Variants in SPAG17 observed in about 807,000 individuals in gnomAD.
The protein encoded by SPAG17 is sperm associated antigen 17.
In SPAG17, 169 loss-of-function variants were observed where a neutral mutation model predicts 273.6. That is an observed-to-expected ratio of 0.62 (90% confidence interval 0.55 to 0.70). SPAG17 has a LOEUF of 0.70. Ranked by LOEUF, SPAG17 falls within the 30% of genes least tolerant of loss-of-function variation. The pLI is 0.00. For missense variants in SPAG17, 2,557 were observed against 2,627.8 expected, an observed-to-expected ratio of 0.97 and a Z score of 0.59; for synonymous variants, 825 against 873.2, an observed-to-expected ratio of 0.94 and a Z score of 0.97.
chr1:118,004,606 A>G (rs898736364), intron 32 of SPAG17, among the ~76,000 whole-genome samples: 1 of 152,236 alleles, frequency 6.6e-6, no homozygotes, highest in Non-Finnish European at 1.5e-5. Flanking sequence ...CTTGGGCGTG[A>G]GATCCACCAA....
At position 117,987,758 on chromosome 1, in the gene SPAG17, A is replaced by G. The variant is rs148069852; in HGVS notation, c.5669+76T>C. 7.9e-4 allele frequency: 1,158 copies of G among 1,461,170 alleles called. 6 individuals are homozygous for G. In the African/African-American group the frequency reaches 0.012, roughly 15 times the overall value. 90.5% of individuals were successfully genotyped at this position (1,461,170 alleles called of 1,614,324 possible). Reference sequence around the variant, plus strand: ...ATAACATCTGGGTGCCTGGCAGGACATTTTGGCCTATCCCATTCTCAGTCT... The same window carrying G: ...ATAACATCTGGGTGCCTGGCAGGACGTTTTGGCCTATCCCATTCTCAGTCT... On this transcript the variant is annotated intron_variant, in intron 40 of 48. Coordinates refer to ENST00000336338, the MANE Select transcript of SPAG17 (RefSeq NM_206996.4).
chr1:118,064,287 G>A lies in SPAG17; in HGVS notation c.2540+2458C>T, dbSNP rs544327282. 4.3e-3 allele frequency among the ~76,000 whole-genome samples: 647 copies of A among 151,890 alleles called. 4 individuals carry two copies. Among genetic ancestry groups the A allele is most frequent in the African/African-American group, 0.015 (609 of 41,384 alleles). ...TGCTGCCATAAAGACACATGCACACGTATGTTTATTGCGGCACTATTCACA... is the reference window on the plus strand; with the variant it reads ...TGCTGCCATAAAGACACATGCACACATATGTTTATTGCGGCACTATTCACA... On this transcript the variant is annotated intron_variant, in intron 18 of 48. Transcript: ENST00000336338.
chr1:118,086,088 A>C lies in SPAG17; in HGVS notation c.1612-16T>G. 1 of 1,612,978 alleles carries C rather than the reference A, an allele frequency of 6.2e-7. No homozygotes were observed. Among genetic ancestry groups the C allele is most frequent in the Non-Finnish European group, 8.5e-7 (1 of 1,179,630 alleles). ...TCTTTTGGTCCTGATGAAAAAGAGC[A>C]ACATGACAGAAGACATTAGAGTAAG... On this transcript the variant is annotated splice_polypyrimidine_tract_variant and intron_variant, in intron 12 of 48. Coordinates refer to ENST00000336338, the MANE Select transcript of SPAG17 (RefSeq NM_206996.4).
Position 117,954,053 on chromosome 1 carries a change from C to A in SPAG17, c.*1-4G>T. 6.2e-7 allele frequency: 1 copy of A among 1,610,690 alleles called. No individual in the cohort carries two copies. Among genetic ancestry groups the A allele is most frequent in the East Asian group, 2.2e-5 (1 of 44,714 alleles). The stretch of plus-strand genomic sequence containing the variant: ...ATTGAGTTGTACCGAGAAGAAACTG[C>A]AAAAATGAAGGAACACAAAGCCATT... On this transcript the variant is annotated splice_region_variant and splice_polypyrimidine_tract_variant and intron_variant, in intron 48 of 48. Coordinates refer to ENST00000336338, the MANE Select transcript of SPAG17 (RefSeq NM_206996.4).
rs534621861 is a variant in SPAG17 at position 118,068,606 on chromosome 1, T to C, written c.2386-1707A>G. Among the ~76,000 whole-genome samples, 4 of 152,308 alleles carry C rather than the reference T, an allele frequency of 2.6e-5. No individual in the cohort carries two copies. In the South Asian group the frequency reaches 8.3e-4, roughly 32 times the overall value. ...AAAGTTTTCATATCTTATTTTCCCCTTTTTTACTAATTGGTGCTTGTCTTT... is the reference window on the plus strand; with the variant it reads ...AAAGTTTTCATATCTTATTTTCCCCCTTTTTACTAATTGGTGCTTGTCTTT... On this transcript the variant is annotated intron_variant, in intron 17 of 48. Coordinates refer to ENST00000336338, the MANE Select transcript of SPAG17 (RefSeq NM_206996.4).
chr1:118,172,789 TTTC>T (rs1408606159), intron 1 of SPAG17, among the ~76,000 whole-genome samples: 2 of 152,204 alleles, frequency 1.3e-5, no homozygotes, highest in Admixed American at 1.3e-4. Flanking sequence ...GTGATTTTTT[TTTC>T]TTGTGTTGGC....
At chr1:118,119,533 T>C (rs1391241448) in intron 3 of SPAG17, among the ~76,000 whole-genome samples, 2 of 152,214 alleles carry the variant, frequency 1.3e-5, no homozygotes, top group African/African-American at 4.8e-5. Flanking sequence ...TGGAGGCCCA[T>C]GGTGTTTATT....
intron 24 of SPAG17, among the ~76,000 whole-genome samples, chr1:118,035,017 T>C (rs769881044): frequency 6.6e-6 from 1 of 152,174 alleles, no homozygotes; most frequent in Non-Finnish European, 1.5e-5. Flanking sequence ...AAATTATGTT[T>C]AGCTGTGCCT....
intron 48 of SPAG17, chr1:117,956,954 A>G: frequency 1.1e-6 from 1 of 879,856 alleles, no homozygotes; most frequent in Non-Finnish European, 1.6e-6. Context: ...TCTAGGCAAG[A>G]TGTATCCAAG....
intron 17 of SPAG17, among the ~76,000 whole-genome samples, chr1:118,069,358 A>AAAAAAAAAAAAAAAAAT (rs1653334988): frequency 6.6e-6 from 1 of 150,456 alleles, no homozygotes; most frequent in African/African-American, 2.4e-5. Context: ...AAAAAAAAAA[A>AAAAAAAAAAAAAAAAAT]GTGGTGGTAG....
chr1:118,097,526 TATC>T (rs1329644073), intron 7 of SPAG17, 141 bp downstream of exon 7: 1 of 497,752 alleles, frequency 2.0e-6, no homozygotes, highest in East Asian at 3.4e-5. Context: ...CATTCCATAT[TATC>T]ATTATCCTGA....
rs556178939 is a variant in SPAG17 at position 118,109,905 on chromosome 1, TA to T, written c.447+5404del. 2.1e-3 allele frequency among the ~76,000 whole-genome samples: 322 copies of T among 152,306 alleles called. 2 individuals are homozygous for T. Among genetic ancestry groups the T allele is most frequent in the African/African-American group, 7.5e-3 (313 of 41,580 alleles). On this transcript the variant is annotated intron_variant, in intron 4 of 48. Coordinates refer to ENST00000336338, the MANE Select transcript of SPAG17 (RefSeq NM_206996.4). Reference sequence around the variant, plus strand: ...GGTTTTCACAAAACTCCTTCATCTTTAATTAGCTATTATGTTCTTAAATATC... The same window carrying T: ...GGTTTTCACAAAACTCCTTCATCTTTATTAGCTATTATGTTCTTAAATATC...
intron 1 of SPAG17, among the ~76,000 whole-genome samples, chr1:118,174,531 T>C (rs1418743526): frequency 6.6e-6 from 1 of 152,122 alleles, no homozygotes; most frequent in Non-Finnish European, 1.5e-5. Flanking sequence ...CCCAGAAAGA[T>C]AAGAGAGAGT....
At chr1:118,141,937 TG>T (rs1658705639) in intron 3 of SPAG17, among the ~76,000 whole-genome samples, 1 of 152,196 alleles carries the variant, frequency 6.6e-6, no homozygotes, top group South Asian at 2.1e-4. Flanking sequence ...AAATATCCTT[TG>T]ACCACTGATT....
chr1:118,151,653 G>T (rs1227365643), intron 1 of SPAG17, among the ~76,000 whole-genome samples: 1 of 152,186 alleles, frequency 6.6e-6, no homozygotes, highest in African/African-American at 2.4e-5. Context: ...TGTTGTCCAA[G>T]AATAATCTGG....
chr1:118,072,289 C>T (rs1353674841), intron 17 of SPAG17, among the ~76,000 whole-genome samples: 1 of 152,048 alleles, frequency 6.6e-6, no homozygotes, highest in Non-Finnish European at 1.5e-5. Context: ...ATTTACTTCC[C>T]GTCTATCTTA....
chr1:117,964,970 A>G (rs770910803), intron 47 of SPAG17: 12 of 152,154 alleles, frequency 7.9e-5, no homozygotes, highest in Non-Finnish European at 1.0e-4. Flanking sequence ...TTTTTAATAT[A>G]TATCTTCTGC....
chr1:118,088,904 T>G (rs1655179679), intron 10 of SPAG17, among the ~76,000 whole-genome samples: 1 of 152,210 alleles, frequency 6.6e-6, no homozygotes, highest in African/African-American at 2.4e-5. Context: ...TATTTGAAGA[T>G]AGAAGACTTT....
intron 38 of SPAG17, 152 bp from the exon 39 acceptor site, chr1:117,988,356 C>T (rs557762280): frequency 1.4e-4 from 66 of 479,224 alleles, no homozygotes; most frequent in African/African-American, 1.3e-3. Flanking sequence ...AGCTGTAATA[C>T]AACAGAAAAC....
Sources: allele counts gnomAD v4.1 joint callset (sites outside exome capture counted in the v4.1 genomes callset), GRCh38; gene constraint gnomAD v4.1.1; transcripts MANE v1.5; gene names NCBI Gene and HGNC (gene_info 2026-07-23, HGNC 2026-07-21).